The following OSBPL1A variants were observed in gnomAD, a reference collection of about 807,000 sequenced individuals.
OSBPL1A encodes oxysterol binding protein like 1A.
A neutral mutation model predicts 137.1 loss-of-function variants in OSBPL1A; 80 were observed. That is an observed-to-expected ratio of 0.58 (90% CI 0.49 to 0.70). OSBPL1A has a LOEUF of 0.70. OSBPL1A is among the 30% of genes least tolerant of loss of function. The probability of loss-of-function intolerance (pLI) is 0.00; values close to 1 mark genes in which losing one functional copy is unlikely to be tolerated. For missense variants in OSBPL1A, 970 were observed against 1,129.4 expected (o/e 0.86, Z 2.02); for synonymous variants, 365 against 389.7 (o/e 0.94, Z 0.75).
intron 7 of OSBPL1A, among the ~76,000 whole-genome samples, chr18:24,322,093 G>C (rs55670484): frequency 0.13 from 19,833 of 147,474 alleles, 1,417 homozygotes; most frequent in South Asian, 0.16. Flanking sequence ...TTAACATAGA[G>C]AGAAATATGT....
At chr18:24,186,028 A>G (rs1051363770) in intron 18 of OSBPL1A, among the ~76,000 whole-genome samples, 1 of 152,184 alleles carries the variant, frequency 6.6e-6, no homozygotes, top group African/African-American at 2.4e-5. Context: ...TGTTCGTGCC[A>G]CTGCATTCCA....
intron 14 of OSBPL1A, among the ~76,000 whole-genome samples, chr18:24,293,314 C>T (rs928436746): frequency 6.6e-6 from 1 of 152,002 alleles, no homozygotes; most frequent in Non-Finnish European, 1.5e-5. Flanking sequence ...TAGATCAGGC[C>T]AGTGGCCAGG....
chr18:24,391,784 TGTTATGTAC>T (rs1907378263), intron 1 of OSBPL1A, among the ~76,000 whole-genome samples: 1 of 152,140 alleles, frequency 6.6e-6, no homozygotes, highest in African/African-American at 2.4e-5. Context: ...GCAAATTTGA[TGTTATGTAC>T]ATTTTATCAC....
At chr18:24,220,450 T>C (rs970605828) in intron 17 of OSBPL1A, among the ~76,000 whole-genome samples, 4 of 152,160 alleles carry the variant, frequency 2.6e-5, no homozygotes, top group Non-Finnish European at 4.4e-5. Flanking sequence ...GGACAAGTAC[T>C]CTAGGCAGGG....
intron 15 of OSBPL1A, among the ~76,000 whole-genome samples, chr18:24,248,137 A>G (rs1325134863): frequency 6.6e-6 from 1 of 152,228 alleles, no homozygotes; most frequent in Non-Finnish European, 1.5e-5. Flanking sequence ...GCACAGATTC[A>G]GATAGATGAG....
rs114146523 is a variant in OSBPL1A, at chr18:24,164,078, C to G, written c.2751-797G>C. Among the ~76,000 whole-genome samples, 580 of 152,248 alleles carry G rather than the reference C, an allele frequency of 3.8e-3. 6 individuals carry two copies. Among genetic ancestry groups the G allele is most frequent in the African/African-American group, 0.013 (556 of 41,542 alleles). Reference sequence around the variant, plus strand: ...ACAGATGAGAAGCTGAATGTCCAAGCAGTTAAATAACTTGCCCAACCTAGT... The same window carrying G: ...ACAGATGAGAAGCTGAATGTCCAAGGAGTTAAATAACTTGCCCAACCTAGT... On this transcript the variant is annotated intron_variant, in intron 27 of 27. Transcript: ENST00000319481.
intron 15 of OSBPL1A, among the ~76,000 whole-genome samples, chr18:24,272,806 G>A (rs572082412): frequency 1.3e-5 from 2 of 152,312 alleles, no homozygotes; most frequent in South Asian, 4.1e-4. Flanking sequence ...GACCTAGAAT[G>A]TGTTAAAGAC....
intron 15 of OSBPL1A, among the ~76,000 whole-genome samples, chr18:24,239,604 T>A (rs2088615815): frequency 6.6e-6 from 1 of 152,132 alleles, no homozygotes; most frequent in Non-Finnish European, 1.5e-5. Context: ...GAAAATAGAT[T>A]CAGAACTAGC....
chr18:24,231,491 T>C (rs8091057), intron 16 of OSBPL1A, among the ~76,000 whole-genome samples: 10,337 of 152,214 alleles, frequency 0.068, 618 homozygotes, highest in African/African-American at 0.16. Flanking sequence ...GGTTTCACCA[T>C]GTTGGCCAGG....
intron 1 of OSBPL1A, among the ~76,000 whole-genome samples, chr18:24,388,967 A>T (rs1301588305): frequency 6.6e-6 from 1 of 152,170 alleles, no homozygotes; most frequent in Non-Finnish European, 1.5e-5. Context: ...TTTAGAAGAA[A>T]CTTCAAGATT....
At chr18:24,382,267 C>A (rs1273112013) in intron 1 of OSBPL1A, among the ~76,000 whole-genome samples, 1 of 148,554 alleles carries the variant, frequency 6.7e-6, no homozygotes, top group Non-Finnish European at 1.5e-5. Context: ...TTTAGCCAGG[C>A]GTGGTGGCAG....
intron 23 of OSBPL1A, 165 bp from the exon 24 acceptor site, chr18:24,170,618 A>T (rs1349877130): frequency 3.0e-6 from 2 of 670,324 alleles, no homozygotes; most frequent in African/African-American, 3.7e-5. Flanking sequence ...TGGCATCGCC[A>T]TAGACTGTTT....
Position 24,225,045 on chromosome 18 carries a change from T to C in OSBPL1A, c.1598A>G (p.His533Arg). 3 of 1,614,156 alleles carry C rather than the reference T, an allele frequency of 1.9e-6. No homozygotes were observed. The highest frequency in any genetic ancestry group is 2.5e-6 in the Non-Finnish European group (3 of 1,179,990). ...CAACTGTCAGAGGCGATCCTACCTG[T>C]GTTTCTTGATGCCATTGGAGAGAGC... ...GDALSNGIKK[H>R]RTSLPSPMFS... The change falls in exon 17 of 28, where the codon CAC (histidine) becomes CGC (arginine). Residue 533 changes from histidine (H) to arginine (R), a missense_variant. Transcript: ENST00000319481.
At chr18:24,178,884 C>G (rs947823498) in intron 20 of OSBPL1A, among the ~76,000 whole-genome samples, 4 of 152,000 alleles carry the variant, frequency 2.6e-5, no homozygotes, top group Non-Finnish European at 5.9e-5. Context: ...AAACTAAAGC[C>G]AAATAAAGTC....
At chr18:24,179,918 A>G (rs776232290) in intron 19 of OSBPL1A, 83 bp from the exon 20 acceptor site, 3 of 1,012,716 alleles carry the variant, frequency 3.0e-6, no homozygotes, top group Middle Eastern at 2.0e-4. Context: ...TGCTGAAGAC[A>G]GTAATTTACA....
chr18:24,168,920 C>A (rs1381693485), intron 24 of OSBPL1A, among the ~76,000 whole-genome samples: 2 of 152,230 alleles, frequency 1.3e-5, no homozygotes, highest in Non-Finnish European at 2.9e-5. Context: ...TCTCAGCCAT[C>A]CGCACTCTGT....
Position 24,271,446 on chromosome 18 carries a change from G to T in OSBPL1A, c.1281+9396C>A. The T allele has an allele frequency of 1.7e-6, 1 of 585,038 alleles. No homozygotes were observed. The highest frequency in any genetic ancestry group is 2.2e-6 in the Non-Finnish European group (1 of 464,098). 36.2% of individuals were successfully genotyped at this position (585,038 alleles called of 1,614,324 possible). A position where few individuals can be genotyped will look rare whatever the true frequency, so the allele number is the denominator to read the frequency against. On this transcript the variant is annotated intron_variant, in intron 15 of 27. Transcript: ENST00000319481. The surrounding 1 kb of genome is among the most constrained non-coding windows in gnomAD (Gnocchi z 4.0). Reference sequence around the variant, plus strand: ...GAGAGCAGGGTCTCCCGGCTGGTGCGCCCCTCCCCACGCGCCCGCGGCTGC... The same window carrying T: ...GAGAGCAGGGTCTCCCGGCTGGTGCTCCCCTCCCCACGCGCCCGCGGCTGC...
intron 24 of OSBPL1A, among the ~76,000 whole-genome samples, chr18:24,169,936 A>C (rs533068393): frequency 6.6e-6 from 1 of 152,248 alleles, no homozygotes; most frequent in African/African-American, 2.4e-5. Flanking sequence ...CAAGGCAACA[A>C]AACTGATGAT....
chr18:24,310,432 CAAAAAA>C (rs3039412), intron 13 of OSBPL1A, among the ~76,000 whole-genome samples: 21 of 89,724 alleles, frequency 2.3e-4, no homozygotes, highest in African/African-American at 8.7e-4. Context: ...ACTAAAAATA[CAAAAAA>C]AAAAAAAAAA....
Sources: gnomAD v4.1 joint callset for allele counts (sites outside exome capture counted in the v4.1 genomes callset) on GRCh38, gnomAD v4.1.1 for gene constraint, Gnocchi (gnomAD v3.1) non-coding constraint, MANE v1.5 for transcripts, NCBI Gene and HGNC (gene_info 2026-07-23, HGNC 2026-07-21) for gene names.